DMD: variants seen among roughly 807,000 people sequenced by gnomAD.
The protein encoded by DMD is dystrophin, also known as mutant dystrophin.
Under a neutral mutation model 330.1 loss-of-function variants are expected in DMD, and 63 were observed. The ratio of observed to expected loss-of-function variants is 0.19; its 90% CI spans 0.16 to 0.24. DMD has a LOEUF of 0.24. DMD is among the 10% of genes least tolerant of loss of function. The probability of loss-of-function intolerance (pLI) is 1.00; values close to 1 mark genes in which losing one functional copy is unlikely to be tolerated. For synonymous variants in DMD, 1,223 were observed against 959.8 expected, an observed-to-expected ratio of 1.27 and a Z score of -5.07; for missense variants, 3,344 against 2,684.1, an observed-to-expected ratio of 1.25 and a Z score of -5.43.
chrX:31,476,727 T>C (rs999119918), intron 59 of DMD, among the ~76,000 whole-genome samples: 11 of 111,070 alleles, frequency 9.9e-5, no homozygotes, highest in Admixed American at 9.7e-4. Flanking sequence ...CATCCATCCA[T>C]TAATTCACCA....
At chrX:33,137,351 G>A (rs953167140) in intron 1 of DMD, among the ~76,000 whole-genome samples, 1 of 111,797 alleles carries the variant, frequency 8.9e-6, no homozygotes, top group Non-Finnish European at 1.9e-5. Context: ...TTTTATAGTG[G>A]TGGGGGGAGG....
chrX:31,433,525 C>G (rs1185364909), intron 60 of DMD, among the ~76,000 whole-genome samples: 1 of 105,802 alleles, frequency 9.5e-6, no homozygotes, highest in African/African-American at 3.5e-5. Context: ...GGCATGATCT[C>G]GGCTCACTGC....
Position 31,422,004 on chromosome X carries a change from T to C in DMD, c.9084+22477A>G, listed in dbSNP as rs750080119. Among the ~76,000 whole-genome samples, 84 of 76,614 alleles carry C rather than the reference T, an allele frequency of 1.1e-3. 1 individual carries two copies. Among genetic ancestry groups the C allele is most frequent in the African/African-American group, 4.0e-3 (55 of 13,905 alleles). 66.5% of individuals were successfully genotyped at this position (76,614 alleles called of 115,157 possible). A position where few individuals can be genotyped will look rare whatever the true frequency, so the allele number is the denominator to read the frequency against. On this transcript the variant is annotated intron_variant, in intron 60 of 78. Transcript: ENST00000357033. ...ATATATATGTATATATACACACACA[T>C]ATATATATATATAAACACACACACA...
intron 9 of DMD, among the ~76,000 whole-genome samples, chrX:32,661,564 T>G (rs953181051): frequency 8.1e-5 from 9 of 111,517 alleles, no homozygotes; most frequent in South Asian, 3.7e-4. Context: ...ATAGCTAGAT[T>G]TATAAAATTT....
intron 62 of DMD, among the ~76,000 whole-genome samples, chrX:31,314,113 G>C (rs1002797344): frequency 2.7e-5 from 3 of 112,090 alleles, no homozygotes; most frequent in Non-Finnish European, 5.6e-5. Context: ...GGGATTACAG[G>C]CATGAGCCAC....
intron 60 of DMD, among the ~76,000 whole-genome samples, chrX:31,386,058 G>T (rs2060429619): frequency 8.9e-6 from 1 of 112,234 alleles, no homozygotes; most frequent in Non-Finnish European, 1.9e-5. Context: ...AAAAAAGGAT[G>T]AATTCATATC....
At chrX:32,107,107 C>T (rs1171353132) in intron 44 of DMD, among the ~76,000 whole-genome samples, 1 of 110,603 alleles carries the variant, frequency 9.0e-6, no homozygotes, top group African/African-American at 3.3e-5. Flanking sequence ...TCTTAGGTAC[C>T]ACGTTCCTCA....
At chrX:31,695,430 ATTGT>A (rs1307900504) in intron 52 of DMD, among the ~76,000 whole-genome samples, 2 of 110,984 alleles carry the variant, frequency 1.8e-5, no homozygotes, top group Non-Finnish European at 3.8e-5. Flanking sequence ...GTACAATTAC[ATTGT>A]TTGTAGCACA....
intron 2 of DMD, among the ~76,000 whole-genome samples, chrX:32,853,388 ACT>A (rs1354192756): frequency 3.6e-5 from 4 of 112,085 alleles, no homozygotes; most frequent in Non-Finnish European, 5.6e-5. Flanking sequence ...TTAACAAATA[ACT>A]CTAATAACTT....
At chrX:32,280,165 GTA>G (rs201359021) in intron 43 of DMD, among the ~76,000 whole-genome samples, 3,689 of 22,109 alleles carry the variant, frequency 0.17, 159 homozygotes, top group African/African-American at 0.34. Flanking sequence ...TATATATACA[GTA>G]TATATATATA....
At position 32,219,525 on chromosome X, in the gene DMD, A is replaced by AT. The variant is rs749269000; in HGVS notation, c.6291-2463dup. Among the ~76,000 whole-genome samples, 6 of 110,823 alleles carry AT rather than the reference A, an allele frequency of 5.4e-5. No individual in the cohort carries two copies. In the East Asian group the frequency reaches 8.5e-4, roughly 16 times the overall value. On this transcript the variant is annotated intron_variant, in intron 43 of 78. Transcript: ENST00000357033. ...AGTCAGAAAAATGAAATAATTTAAA[A>AT]TTTTTTTTTAAATGGCAGTCTCATA...
chrX:31,487,811 C>T (rs1309371815), intron 57 of DMD, among the ~76,000 whole-genome samples: 5 of 111,090 alleles, frequency 4.5e-5, no homozygotes, highest in Non-Finnish European at 9.4e-5. Context: ...ACAACATGAA[C>T]AACAATATTA....
intron 9 of DMD, among the ~76,000 whole-genome samples, chrX:32,665,411 C>T (rs1336186832): frequency 1.8e-5 from 2 of 112,087 alleles, no homozygotes; most frequent in Non-Finnish European, 3.8e-5. Context: ...TAATAATATA[C>T]ATACAGCATG....
chrX:32,197,005 A>AAC (rs56133861), intron 44 of DMD, among the ~76,000 whole-genome samples: 1 of 94,890 alleles, frequency 1.1e-5, no homozygotes, highest in Non-Finnish European at 2.1e-5. Context: ...AAAAAAAAAA[A>AAC]CAAAAACAAA....
chrX:32,884,882 C>T (rs1160285815), intron 2 of DMD, among the ~76,000 whole-genome samples: 1 of 111,820 alleles, frequency 8.9e-6, no homozygotes, highest in African/African-American at 3.2e-5. Context: ...ACTTTATCTC[C>T]AGCTTAATGA....
intron 16 of DMD, among the ~76,000 whole-genome samples, chrX:32,561,758 A>C (rs2149071232): frequency 8.9e-6 from 1 of 111,875 alleles, no homozygotes; most frequent in Admixed American, 9.6e-5. Flanking sequence ...TCCAGGTTTA[A>C]ATGAAAGAAA....
At chrX:32,656,191 C>T (rs1213318213) in intron 9 of DMD, among the ~76,000 whole-genome samples, 1 of 111,799 alleles carries the variant, frequency 8.9e-6, no homozygotes, top group Non-Finnish European at 1.9e-5. Context: ...CATCCAACTT[C>T]GTCATTAAGA....
At chrX:32,456,181 C>T (rs2098357359) in intron 25 of DMD, among the ~76,000 whole-genome samples, 1 of 110,341 alleles carries the variant, frequency 9.1e-6, no homozygotes, top group East Asian at 2.9e-4. Context: ...GAATCACTAT[C>T]GCATTGATTT....
At chrX:32,250,360 G>A (rs1042371174) in intron 43 of DMD, among the ~76,000 whole-genome samples, 7 of 111,805 alleles carry the variant, frequency 6.3e-5, no homozygotes, top group Non-Finnish European at 1.3e-4. Flanking sequence ...AATGGTAAAT[G>A]TGGATTTTCC....
Sources: allele counts gnomAD v4.1 joint callset (sites outside exome capture counted in the v4.1 genomes callset), GRCh38; gene constraint gnomAD v4.1.1; transcripts MANE v1.5; gene names NCBI Gene and HGNC (gene_info 2026-07-23, HGNC 2026-07-21).